The following JAKMIP1 variants were observed in gnomAD, a reference collection of about 807,000 sequenced individuals.
JAKMIP1 encodes the protein janus kinase and microtubule interacting protein 1.
A neutral mutation model predicts 113.0 loss-of-function variants in JAKMIP1; 33 were observed. The ratio of observed to expected loss-of-function variants is 0.29; its 90% CI spans 0.22 to 0.39. The LOEUF is 0.39. JAKMIP1 is among the 10% of genes least tolerant of loss of function. The pLI is 1.00. For missense variants in JAKMIP1, 813 were observed against 1,080.5 expected (o/e 0.75, Z 3.47); for synonymous variants, 480 against 459.9 (o/e 1.04, Z -0.56).
chr4:6,050,640 T>G lies in JAKMIP1; in HGVS notation c.1846A>C (p.Thr616Pro). The change falls in exon 14 of 21, where the codon ACC (threonine) becomes CCC (proline). Residue 616 changes from threonine (T) to proline (P), a missense_variant. Physicochemically the swap from Thr to Pro is conservative, Grantham distance 38. Around this residue, in one of 2 missense-constraint regions of JAKMIP1, gnomAD observed 273 missense variants for 426.6 expected, o/e 0.64. Coordinates refer to ENST00000409021, the MANE Select transcript of JAKMIP1 (RefSeq NM_001099433.2). The surrounding 1 kb of genome is among the most constrained non-coding windows in gnomAD (Gnocchi z 7.4). ...RRSPAFNLQITTFPENHSSAL... is the reference protein window; with the variant it reads ...RRSPAFNLQIPTFPENHSSAL... ...CTGCTGTGGTTCTCGGGGAAGGTGGTGATTTGGAGGTTAAATGCTGGCGAC... is the reference window on the plus strand; with the variant it reads ...CTGCTGTGGTTCTCGGGGAAGGTGGGGATTTGGAGGTTAAATGCTGGCGAC... 6.4e-7 allele frequency: 1 copy of G among 1,574,298 alleles called. No individual in the cohort carries two copies. Among genetic ancestry groups the G allele is most frequent in the Admixed American group, 1.9e-5 (1 of 54,026 alleles).
In JAKMIP1 at chr4:6,064,757, G is replaced by T; in HGVS notation, c.1431+123C>A. On this transcript the variant is annotated intron_variant, in intron 9 of 20. Transcript: ENST00000409021. The surrounding 1 kb of genome is among the most constrained non-coding windows in gnomAD (Gnocchi z 4.3). ...ATTGGCTTTGATAATGCACTGGTAGGAACTGGTCATCTGGGGTTCAGAACT... is the reference window on the plus strand; with the variant it reads ...ATTGGCTTTGATAATGCACTGGTAGTAACTGGTCATCTGGGGTTCAGAACT... 1 of 1,266,850 alleles carries T rather than the reference G, an allele frequency of 7.9e-7. No homozygotes were observed. Among genetic ancestry groups the T allele is most frequent in the Non-Finnish European group, 1.1e-6 (1 of 902,280 alleles). The allele number at this position is 1,266,850 out of a possible 1,614,324, so 78.5% of individuals were successfully genotyped here.
rs1325314077 is a variant in JAKMIP1 at position 6,141,124 on chromosome 4, G to A, written c.-147-28127C>T. On this transcript the variant is annotated intron_variant, in intron 1 of 20. Coordinates refer to ENST00000409021, the MANE Select transcript of JAKMIP1 (RefSeq NM_001099433.2). This position sits in a 1 kb window ranked among gnomAD's most constrained non-coding sequence, Gnocchi z 9.4. ...CTAATTGTATCGCGTAGAATGAGAA[G>A]CAGCTACCAACATTTAAAGTGGTAG... is the stretch of plus-strand genomic sequence containing the variant. 6.6e-6 allele frequency among the ~76,000 whole-genome samples: 1 copy of A among 152,210 alleles called. No individual in the cohort carries two copies. The highest frequency in any genetic ancestry group is 1.5e-5 in the Non-Finnish European group (1 of 68,048).
rs1722374594 is a variant in JAKMIP1 at position 6,157,349 on chromosome 4, GCACAA to G, written c.-148+42899_-148+42903del. Among the ~76,000 whole-genome samples the G allele has an allele frequency of 6.6e-6, 1 of 152,134 alleles. No individual in the cohort carries two copies. Among genetic ancestry groups the G allele is most frequent in the African/African-American group, 2.4e-5 (1 of 41,430 alleles). On this transcript the variant is annotated intron_variant, in intron 1 of 20. Transcript: ENST00000409021. This position sits in a 1 kb window ranked among gnomAD's most constrained non-coding sequence, Gnocchi z 4.7. The stretch of plus-strand genomic sequence containing the variant: ...AAGGCGCACGGGATGGGAAGCTGGC[GCACAA>G]CACAGGGTTGTCCCAAGAACCAAAT...
intron 15 of JAKMIP1, 71 bp from the exon 16 acceptor site, chr4:6,048,993 G>A: frequency 8.4e-7 from 1 of 1,190,344 alleles, no homozygotes; most frequent in Non-Finnish European, 1.2e-6. Context: ...TCAGCACCAA[G>A]CAAGTTTTTT....
rs563723288 is a variant in JAKMIP1 at position 6,167,080 on chromosome 4, G to C, written c.-148+33173C>G. Among the ~76,000 whole-genome samples the C allele has an allele frequency of 7.9e-5, 12 of 152,200 alleles. No homozygotes were observed. The highest frequency in any genetic ancestry group is 1.8e-4 in the Non-Finnish European group (12 of 67,984). ...ACTTGGAACAGTGCCTGGTGCGTAG[G>C]GGGTACTCAGGGTGGGCTGCTGGTA... On this transcript the variant is annotated intron_variant, in intron 1 of 20. Coordinates refer to ENST00000409021, the MANE Select transcript of JAKMIP1 (RefSeq NM_001099433.2). This position sits in a 1 kb window ranked among gnomAD's most constrained non-coding sequence, Gnocchi z 5.3.
rs903198354 is a variant in JAKMIP1, at chr4:6,197,708, G to T, written c.-148+2545C>A. On this transcript the variant is annotated intron_variant, in intron 1 of 20. Transcript: ENST00000409021. This position sits in a 1 kb window ranked among gnomAD's most constrained non-coding sequence, Gnocchi z 6.5. The stretch of plus-strand genomic sequence containing the variant: ...AGCCCCCATTTAGTTAGAAAGCCCA[G>T]CAGGGAGGCACTTGCCCAGTCACAG... 3.3e-5 allele frequency among the ~76,000 whole-genome samples: 5 copies of T among 152,212 alleles called. No homozygotes were observed. Among genetic ancestry groups the T allele is most frequent in the African/African-American group, 1.2e-4 (5 of 41,456 alleles).
rs1457070026 is a variant in JAKMIP1, at chr4:6,143,994, G to C, written c.-147-30997C>G. Reference sequence around the variant, plus strand: ...GCATGCCAGGGGGTCAAAGCAGAGAGGCTCACTCGGGCCCAGCTTAGAGCC... The same window carrying C: ...GCATGCCAGGGGGTCAAAGCAGAGACGCTCACTCGGGCCCAGCTTAGAGCC... On this transcript the variant is annotated intron_variant, in intron 1 of 20. Transcript: ENST00000409021. This position sits in a 1 kb window ranked among gnomAD's most constrained non-coding sequence, Gnocchi z 4.9. Among the ~76,000 whole-genome samples the C allele has an allele frequency of 6.6e-6, 1 of 152,168 alleles. No individual in the cohort carries two copies. Among genetic ancestry groups the C allele is most frequent in the Non-Finnish European group, 1.5e-5 (1 of 68,026 alleles).
rs191980797 is a variant in JAKMIP1, at chr4:6,138,568, A to G, written c.-147-25571T>C. Among the ~76,000 whole-genome samples, 15 of 152,254 alleles carry G rather than the reference A, an allele frequency of 9.9e-5. No homozygotes were observed. Among genetic ancestry groups the G allele is most frequent in the African/African-American group, 2.9e-4 (12 of 41,536 alleles). On this transcript the variant is annotated intron_variant, in intron 1 of 20. Coordinates refer to ENST00000409021, the MANE Select transcript of JAKMIP1 (RefSeq NM_001099433.2). This position sits in a 1 kb window ranked among gnomAD's most constrained non-coding sequence, Gnocchi z 6.0. ...CCAAGTTAAAATTAAAGAGGGACACACAAAACCATTTTAAACACAGAAGCA... is the reference window on the plus strand; with the variant it reads ...CCAAGTTAAAATTAAAGAGGGACACGCAAAACCATTTTAAACACAGAAGCA...
At chr4:6,066,073 G>A (rs910495047) in intron 8 of JAKMIP1, among the ~76,000 whole-genome samples, 3 of 151,940 alleles carry the variant, frequency 2.0e-5, no homozygotes, top group African/African-American at 7.3e-5. Context: ...AGACCATGAA[G>A]AATGAATCAA....
chr4:6,081,809 G>A lies in JAKMIP1; in HGVS notation c.955-54C>T. On this transcript the variant is annotated intron_variant, in intron 5 of 20. Transcript: ENST00000409021. This position sits in a 1 kb window ranked among gnomAD's most constrained non-coding sequence, Gnocchi z 4.6. ...AGACAACTTGACGACGGACGGCCGA[G>A]GTCACAGCACCGAGGTGAGCAGAGA... 6.2e-7 allele frequency: 1 copy of A among 1,608,000 alleles called. No homozygotes were observed. Among genetic ancestry groups the A allele is most frequent in the Non-Finnish European group, 8.5e-7 (1 of 1,176,166 alleles).
intron 1 of JAKMIP1, among the ~76,000 whole-genome samples, chr4:6,133,166 G>A (rs924924322): frequency 1.3e-5 from 2 of 152,102 alleles, no homozygotes; most frequent in African/African-American, 2.4e-5. Flanking sequence ...AAATCTGAAT[G>A]AAAATCACAA....
chr4:6,091,271 T>C (rs1722026404), intron 3 of JAKMIP1, among the ~76,000 whole-genome samples: 1 of 152,208 alleles, frequency 6.6e-6, no homozygotes, highest in African/African-American at 2.4e-5. Flanking sequence ...TGTTTGGCAC[T>C]GAAATGGAAA....
rs754543683 is a variant in JAKMIP1, at chr4:6,135,535, C to A, written c.-147-22538G>T. On this transcript the variant is annotated intron_variant, in intron 1 of 20. Transcript: ENST00000409021. This position sits in a 1 kb window ranked among gnomAD's most constrained non-coding sequence, Gnocchi z 4.9. ...CAGAGATGCTCCTTGAGCTGCCCGA[C>A]CCCACTCCACGGACGGGGATTTCCC... Among the ~76,000 whole-genome samples, 1 of 152,146 alleles carries A rather than the reference C, an allele frequency of 6.6e-6. No homozygotes were observed. Among genetic ancestry groups the A allele is most frequent in the Non-Finnish European group, 1.5e-5 (1 of 68,030 alleles).
In JAKMIP1 at chr4:6,156,252, G is replaced by A. The variant is rs972183579; in HGVS notation, c.-147-43255C>T. Among the ~76,000 whole-genome samples the A allele has an allele frequency of 2.6e-5, 4 of 152,334 alleles. No homozygotes were observed. The highest frequency in any genetic ancestry group is 2.1e-4 in the South Asian group (1 of 4,826). On this transcript the variant is annotated intron_variant, in intron 1 of 20. Transcript: ENST00000409021. The surrounding 1 kb of genome is among the most constrained non-coding windows in gnomAD (Gnocchi z 5.0). ...GTGGCCCGCCAACACAGGAACAAGC[G>A]AATGCCACTGTATCACACTGATCCT...
chr4:6,118,171 A>G (rs909188987), intron 1 of JAKMIP1, among the ~76,000 whole-genome samples: 12 of 152,374 alleles, frequency 7.9e-5, no homozygotes, highest in African/African-American at 2.6e-4. Flanking sequence ...AGAAATTACA[A>G]AAGTATTAAT....
chr4:6,148,808 T>A (rs530911075), intron 1 of JAKMIP1, among the ~76,000 whole-genome samples: 1 of 152,356 alleles, frequency 6.6e-6, no homozygotes, highest in Admixed American at 6.5e-5. Context: ...GACCACAGCA[T>A]CCTCAGGCCT....
In JAKMIP1 at chr4:6,176,962, G is replaced by A. The variant is rs556274628; in HGVS notation, c.-148+23291C>T. On this transcript the variant is annotated intron_variant, in intron 1 of 20. Transcript: ENST00000409021. This position sits in a 1 kb window ranked among gnomAD's most constrained non-coding sequence, Gnocchi z 5.5. The stretch of plus-strand genomic sequence containing the variant: ...GTGGGAGGATCGCTTGCATCGGGGA[G>A]GTTGAGGCTGCAGTGAGCCATGATT... Among the ~76,000 whole-genome samples the A allele has an allele frequency of 6.6e-6, 1 of 152,296 alleles. No homozygotes were observed. Among genetic ancestry groups the A allele is most frequent in the Admixed American group, 6.5e-5 (1 of 15,298 alleles).
intron 1 of JAKMIP1, among the ~76,000 whole-genome samples, chr4:6,121,403 C>T (rs991764146): frequency 3.3e-5 from 5 of 152,126 alleles, no homozygotes; most frequent in African/African-American, 9.7e-5. Flanking sequence ...TGTTTGGAGA[C>T]CAATACTCTC....
intron 1 of JAKMIP1, among the ~76,000 whole-genome samples, chr4:6,177,188 GA>G (rs1244766922): frequency 1.3e-5 from 2 of 152,104 alleles, no homozygotes; most frequent in African/African-American, 2.4e-5. Context: ...TTCCCAAAGG[GA>G]AAAAACACTT....
Sources: gnomAD v4.1 joint callset for allele counts (sites outside exome capture counted in the v4.1 genomes callset) on GRCh38, gnomAD v4.1.1 for gene constraint, gnomAD v4.1.1 regional missense constraint, Gnocchi (gnomAD v3.1) non-coding constraint, MANE v1.5 for transcripts, NCBI Gene and HGNC (gene_info 2026-07-23, HGNC 2026-07-21) for gene names.